Variants in GRIP1 observed in about 807,000 individuals in gnomAD.
GRIP1 encodes the protein glutamate receptor-interacting protein 1.
Under a neutral mutation model 129.9 loss-of-function variants are expected in GRIP1, and 45 were observed. That is an observed-to-expected ratio of 0.35 (90% CI 0.27 to 0.44). The LOEUF is 0.44. GRIP1 is among the 20% of genes least tolerant of loss of function. GRIP1 has a pLI of 1.00. For synonymous variants in GRIP1, 530 were observed against 520.8 expected, an observed-to-expected ratio of 1.02 and a Z score of -0.24; for missense variants, 1,196 against 1,396.8, an observed-to-expected ratio of 0.86 and a Z score of 2.29.
At position 66,787,759 on chromosome 12, in the gene GRIP1, C is replaced by G. The variant is rs117752054; in HGVS notation, c.-420+16294G>C. ...CTCCAGAACTATGAGAAATACATTT[C>G]TGTTGTCTATAAGGTACCCAGTCTA... On this transcript the variant is annotated intron_variant, in intron 1 of 4. Transcript: ENST00000538373. 9.0e-3 allele frequency among the ~76,000 whole-genome samples: 1,365 copies of G among 152,242 alleles called. 22 individuals are homozygous for G. Among genetic ancestry groups the G allele is most frequent in the Non-Finnish European group, 9.5e-3 (644 of 67,996 alleles).
chr12:66,423,202 T>C (rs553680119), intron 14 of GRIP1, among the ~76,000 whole-genome samples: 3 of 152,342 alleles, frequency 2.0e-5, no homozygotes, highest in Admixed American at 1.3e-4. Flanking sequence ...TAGCTATATG[T>C]GCTTGAGCAC....
intron 1 of GRIP1, among the ~76,000 whole-genome samples, chr12:66,933,820 T>C (rs181842340): frequency 6.6e-6 from 1 of 152,326 alleles, no homozygotes; most frequent in African/African-American, 2.4e-5. Flanking sequence ...GCAGCCTCTA[T>C]TCTGCATAAT....
At chr12:66,456,480 A>G (rs908539441) in intron 9 of GRIP1, 138 bp from the exon 10 acceptor site, 5 of 409,576 alleles carry the variant, frequency 1.2e-5, no homozygotes, top group South Asian at 8.3e-5. Flanking sequence ...AAACAAATCT[A>G]CTTGGCTTTG....
intron 1 of GRIP1, among the ~76,000 whole-genome samples, chr12:66,910,138 G>T (rs919265239): frequency 6.6e-6 from 1 of 152,056 alleles, no homozygotes; most frequent in African/African-American, 2.4e-5. Context: ...AATTTCCCTT[G>T]TTTGGAAGCA....
intron 15 of GRIP1, among the ~76,000 whole-genome samples, chr12:66,419,678 TTA>T (rs1186592549): frequency 6.6e-6 from 1 of 152,236 alleles, no homozygotes; most frequent in East Asian, 1.9e-4. Context: ...CTCCCAACTG[TTA>T]TGAGAGAGAA....
At chr12:66,539,377 C>A (rs902743188) in intron 3 of GRIP1, among the ~76,000 whole-genome samples, 154 bp from the exon 4 acceptor site, 4 of 151,982 alleles carry the variant, frequency 2.6e-5, no homozygotes, top group Non-Finnish European at 5.9e-5. Flanking sequence ...GACGGTGGGC[C>A]CTTAAGGGTA....
At chr12:66,835,741 T>C (rs1386064748) in intron 1 of GRIP1, among the ~76,000 whole-genome samples, 2 of 152,192 alleles carry the variant, frequency 1.3e-5, no homozygotes, top group African/African-American at 4.8e-5. Flanking sequence ...TTGTTGGGTG[T>C]TGGGGAATGG....
intron 1 of GRIP1, among the ~76,000 whole-genome samples, chr12:66,928,328 G>A (rs960682075): frequency 6.6e-6 from 1 of 152,146 alleles, no homozygotes; most frequent in African/African-American, 2.4e-5. Flanking sequence ...AAGCATCTGT[G>A]ATTATTGTTG....
At chr12:67,059,093 T>C (rs1192933255) in intron 1 of GRIP1, among the ~76,000 whole-genome samples, 1 of 152,238 alleles carries the variant, frequency 6.6e-6, no homozygotes, top group Admixed American at 6.5e-5. Context: ...CAACATGGCA[T>C]TGGACCATAG....
intron 1 of GRIP1, among the ~76,000 whole-genome samples, chr12:66,667,321 T>C (rs1348908388): frequency 6.6e-6 from 1 of 152,222 alleles, no homozygotes; most frequent in African/African-American, 2.4e-5. Flanking sequence ...CTTGTCATTA[T>C]AGCTGGTCAT....
At chr12:66,829,703 C>T (rs1014465894) in intron 1 of GRIP1, among the ~76,000 whole-genome samples, 12 of 152,276 alleles carry the variant, frequency 7.9e-5, no homozygotes, top group African/African-American at 2.6e-4. Context: ...ATAGCTCAAG[C>T]GCTTTCCCAA....
intron 7 of GRIP1, among the ~76,000 whole-genome samples, chr12:66,482,465 C>G (rs2059833058): frequency 6.6e-6 from 1 of 152,188 alleles, no homozygotes; most frequent in Non-Finnish European, 1.5e-5. Context: ...CAGTCACTTT[C>G]TGCATCACAG....
chr12:66,963,703 C>T (rs2041955863), intron 1 of GRIP1, among the ~76,000 whole-genome samples: 1 of 152,084 alleles, frequency 6.6e-6, no homozygotes, highest in East Asian at 1.9e-4. Context: ...TCTGCGTCTA[C>T]ACCTTCTACT....
intron 1 of GRIP1, among the ~76,000 whole-genome samples, chr12:66,710,503 G>A (rs900252442): frequency 6.6e-6 from 1 of 151,792 alleles, no homozygotes; most frequent in African/African-American, 2.4e-5. Context: ...TTTGAATCTG[G>A]TATTTACCAA....
At chr12:67,044,921 C>T (rs564462228) in intron 1 of GRIP1, among the ~76,000 whole-genome samples, 2 of 152,236 alleles carry the variant, frequency 1.3e-5, no homozygotes, top group South Asian at 2.1e-4. Context: ...TTTATTTAAT[C>T]CTCACAATAA....
chr12:66,903,000 ATTAT>A (rs1335043987), intron 1 of GRIP1, among the ~76,000 whole-genome samples: 15 of 152,314 alleles, frequency 9.8e-5, no homozygotes, highest in African/African-American at 3.6e-4. Context: ...TTTTAAATAC[ATTAT>A]TTATACAAAC....
intron 1 of GRIP1, among the ~76,000 whole-genome samples, chr12:66,623,935 A>G (rs773788133): frequency 1.2e-4 from 19 of 152,186 alleles, no homozygotes; most frequent in Non-Finnish European, 2.4e-4. Context: ...GTTTCCTTCA[A>G]TAAAACCAAT....
intron 1 of GRIP1, among the ~76,000 whole-genome samples, chr12:66,913,592 A>G (rs2041068674): frequency 1.3e-5 from 2 of 152,226 alleles, no homozygotes; most frequent in Non-Finnish European, 2.9e-5. Context: ...TTGTTGGAGA[A>G]TTATTTTGTT....
chr12:66,875,356 G>C (rs926939917), intron 1 of GRIP1, among the ~76,000 whole-genome samples: 2 of 152,000 alleles, frequency 1.3e-5, no homozygotes, highest in African/African-American at 4.8e-5. Flanking sequence ...AATGATTCTT[G>C]ATTGTATTAA....
Sources: allele counts gnomAD v4.1 joint callset (sites outside exome capture counted in the v4.1 genomes callset), GRCh38; gene constraint gnomAD v4.1.1; transcripts MANE v1.5; gene names NCBI Gene and HGNC (gene_info 2026-07-23, HGNC 2026-07-21).